TAFA5: variants seen among roughly 807,000 people sequenced by gnomAD.
The protein encoded by TAFA5 is TAFA chemokine like family member 5.
TAFA5 carries 6 observed loss-of-function variants against 15.3 expected under a neutral mutation model. That is an observed-to-expected ratio of 0.39 (90% confidence interval 0.21 to 0.77). The LOEUF (loss-of-function observed/expected upper bound fraction) is 0.77. Ranked by LOEUF, TAFA5 falls within the 30% of genes least tolerant of loss-of-function variation. The pLI is 0.41. For synonymous variants in TAFA5, 103 were observed against 80.7 expected (o/e 1.28, Z -1.48); for missense variants, 161 against 193.1 (o/e 0.83, Z 0.98).
chr22:48,548,945 A>T (rs1441265257), intron 1 of TAFA5, among the ~76,000 whole-genome samples: 1 of 152,252 alleles, frequency 6.6e-6, no homozygotes, highest in Non-Finnish European at 1.5e-5. Flanking sequence ...TATCACAAGA[A>T]GCCTTCACAC....
chr22:48,542,848 GTGTT>G (rs1456237752), intron 1 of TAFA5, among the ~76,000 whole-genome samples: 1 of 149,422 alleles, frequency 6.7e-6, no homozygotes. Context: ...TGTGTGTGAT[GTGTT>G]TGTGTAGAGT....
intron 2 of TAFA5, among the ~76,000 whole-genome samples, chr22:48,686,849 G>A (rs1221813744): frequency 6.6e-6 from 1 of 150,946 alleles, no homozygotes; most frequent in Non-Finnish European, 1.5e-5. Flanking sequence ...ATGGATGGAT[G>A]GACTAATGGA....
At chr22:48,573,887 C>T (rs575937854) in intron 1 of TAFA5, among the ~76,000 whole-genome samples, 1 of 152,332 alleles carries the variant, frequency 6.6e-6, no homozygotes, top group Admixed American at 6.5e-5. Context: ...CAAGGGCAGG[C>T]TCTCTCTCCT....
intron 3 of TAFA5, among the ~76,000 whole-genome samples, chr22:48,715,474 G>A (rs1703068216): frequency 6.6e-6 from 1 of 152,208 alleles, no homozygotes; most frequent in South Asian, 2.1e-4. Flanking sequence ...CTGGGGGTGG[G>A]GCGGGGCAGG....
At chr22:48,494,281 C>T (rs971552267) in intron 1 of TAFA5, among the ~76,000 whole-genome samples, 5 of 152,194 alleles carry the variant, frequency 3.3e-5, no homozygotes, top group Non-Finnish European at 4.4e-5. Context: ...TATATAGGCT[C>T]GCATCTGCGC....
intron 1 of TAFA5, among the ~76,000 whole-genome samples, chr22:48,616,931 C>T (rs536589548): frequency 7.9e-5 from 12 of 152,074 alleles, no homozygotes; most frequent in African/African-American, 2.7e-4. Context: ...CTTGGTGGGC[C>T]GGTGGACATC....
At position 48,685,418 on chromosome 22, in the gene TAFA5, A is replaced by G. The variant is rs529292756; in HGVS notation, c.263-22299A>G. On this transcript the variant is annotated intron_variant, in intron 2 of 3. Transcript: ENST00000402357. Reference sequence around the variant, plus strand: ...TCACAAGAGACGGCTTTGCAGAGCCATTTCAAAATATGTCAGAGAAATGTT... The same window carrying G: ...TCACAAGAGACGGCTTTGCAGAGCCGTTTCAAAATATGTCAGAGAAATGTT... Among the ~76,000 whole-genome samples the G allele has an allele frequency of 3.3e-5, 5 of 152,358 alleles. No homozygotes were observed. The East Asian group carries it at 9.6e-4, about 29-fold the overall frequency.
Position 48,707,784 on chromosome 22 carries a change from G to A in TAFA5, c.330G>A (p.Leu110=). 1.9e-6 allele frequency: 3 copies of A among 1,613,958 alleles called. No individual in the cohort carries two copies. Among genetic ancestry groups the A allele is most frequent in the Non-Finnish European group, 2.5e-6 (3 of 1,179,884 alleles). The part of the protein sequence containing the change: ...LPCLEGEGCD[L]LINRSGWTCT... ...GTCTGGAGGGGGAAGGCTGCGACTTGTTAATCAACCGGTCAGGCTGGACGT... is the reference window on the plus strand; with the variant it reads ...GTCTGGAGGGGGAAGGCTGCGACTTATTAATCAACCGGTCAGGCTGGACGT... Residue 110 remains leucine (L), a synonymous_variant, in exon 3 of 4, where the codon TTG becomes TTA. Coordinates refer to ENST00000402357, the MANE Select transcript of TAFA5 (RefSeq NM_001082967.3).
At chr22:48,682,711 C>T (rs1291998621) in intron 2 of TAFA5, among the ~76,000 whole-genome samples, 1 of 152,178 alleles carries the variant, frequency 6.6e-6, no homozygotes, top group African/African-American at 2.4e-5. Context: ...TTGCATATTA[C>T]CCAGAAGCAC....
At chr22:48,540,748 T>C (rs1273210884) in intron 1 of TAFA5, among the ~76,000 whole-genome samples, 1 of 152,182 alleles carries the variant, frequency 6.6e-6, no homozygotes, top group Non-Finnish European at 1.5e-5. Flanking sequence ...ATTCAGAATT[T>C]AGTCACTAAT....
chr22:48,523,217 G>A (rs753813204), intron 1 of TAFA5, among the ~76,000 whole-genome samples: 1 of 152,228 alleles, frequency 6.6e-6, no homozygotes, highest in Non-Finnish European at 1.5e-5. Context: ...TCGGCTTGGT[G>A]GGCACTTCGT....
intron 1 of TAFA5, among the ~76,000 whole-genome samples, chr22:48,627,893 C>T (rs1369640430): frequency 2.6e-5 from 4 of 152,200 alleles, no homozygotes; most frequent in East Asian, 3.9e-4. Context: ...CCAGCAAGGA[C>T]GGGGGGTTGC....
intron 1 of TAFA5, among the ~76,000 whole-genome samples, chr22:48,520,117 G>C (rs547011036): frequency 1.3e-5 from 2 of 152,342 alleles, no homozygotes; most frequent in Non-Finnish European, 2.9e-5. Flanking sequence ...TAGCCGAGGA[G>C]CCGCTGGGTG....
intron 1 of TAFA5, among the ~76,000 whole-genome samples, chr22:48,582,361 C>T (rs1354263841): frequency 6.8e-6 from 1 of 147,840 alleles, no homozygotes; most frequent in Non-Finnish European, 1.5e-5. Flanking sequence ...CAAAATACAC[C>T]ACGTACCACA....
At chr22:48,514,939 G>A (rs1385147076) in intron 1 of TAFA5, among the ~76,000 whole-genome samples, 1 of 152,256 alleles carries the variant, frequency 6.6e-6, no homozygotes, top group Non-Finnish European at 1.5e-5. Flanking sequence ...TTTTGGGGGT[G>A]AAAACACAGA....
At chr22:48,541,605 C>T (rs921516393) in intron 1 of TAFA5, among the ~76,000 whole-genome samples, 1 of 152,142 alleles carries the variant, frequency 6.6e-6, no homozygotes, top group Non-Finnish European at 1.5e-5. Context: ...GTGCCACCCC[C>T]CTGTGTCGGT....
chr22:48,633,558 C>CTCTCTCTCTCTCTCCCTCTCT (rs1569056687), intron 1 of TAFA5, among the ~76,000 whole-genome samples: 1 of 142,724 alleles, frequency 7.0e-6, no homozygotes, highest in Admixed American at 7.1e-5. Flanking sequence ...CTCTCTCTCT[C>CTCTCTCTCTCTCTCCCTCTCT]CATCTCTCCA....
intron 1 of TAFA5, among the ~76,000 whole-genome samples, chr22:48,624,141 T>C (rs893419634): frequency 6.6e-6 from 1 of 152,228 alleles, no homozygotes; most frequent in Non-Finnish European, 1.5e-5. Flanking sequence ...AGGAGCGAAG[T>C]TGGGTATTTT....
chr22:48,737,674 C>T (rs566681304), intron 3 of TAFA5, among the ~76,000 whole-genome samples: 5 of 152,286 alleles, frequency 3.3e-5, no homozygotes, highest in East Asian at 3.9e-4. Context: ...CGATGTTGCC[C>T]GAGAGGTGGG....
Sources: allele counts gnomAD v4.1 joint callset (sites outside exome capture counted in the v4.1 genomes callset), GRCh38; gene constraint gnomAD v4.1.1; transcripts MANE v1.5; gene names NCBI Gene and HGNC (gene_info 2026-07-23, HGNC 2026-07-21).